PSMA3: variants seen among roughly 807,000 people sequenced by gnomAD.
The protein encoded by PSMA3 is proteasome subunit alpha type-3.
In PSMA3, 8 loss-of-function variants were observed where a neutral mutation model predicts 40.0. The ratio of observed to expected loss-of-function variants is 0.20; its 90% confidence interval spans 0.12 to 0.36. The LOEUF is 0.36. PSMA3 is among the 10% of genes least tolerant of loss of function. The pLI, the probability that PSMA3 is intolerant of heterozygous loss-of-function variation, is 1.00. For missense variants in PSMA3, 219 were observed against 310.6 expected, an observed-to-expected ratio of 0.70 and a Z score of 2.22; for synonymous variants, 110 against 100.0, an observed-to-expected ratio of 1.10 and a Z score of -0.59.
At chr14:58,262,866 G>A (rs569255242) in intron 6 of PSMA3, among the ~76,000 whole-genome samples, 6 of 151,802 alleles carry the variant, frequency 4.0e-5, no homozygotes, top group Non-Finnish European at 5.9e-5. Context: ...CACTGCACCC[G>A]GCCTGTTACC....
intron 1 of PSMA3, chr14:58,245,627 G>A (rs1889864179): frequency 6.6e-6 from 1 of 152,264 alleles, no homozygotes; most frequent in African/African-American, 2.4e-5. Flanking sequence ...GGATTTTGCA[G>A]TGGGACTTGT....
At chr14:58,258,238 G>A in intron 5 of PSMA3, 1 of 423,556 alleles carries the variant, frequency 2.4e-6, no homozygotes, top group Non-Finnish European at 4.3e-6. Context: ...AGGAGTATGA[G>A]ACCAGCCTGG....
chr14:58,267,807 CA>C (rs1890491878), intron 8 of PSMA3: 1 of 255,420 alleles, frequency 3.9e-6, no homozygotes, highest in Non-Finnish European at 6.5e-6. Flanking sequence ...CCCAACTTCT[CA>C]AATCTCTTAA....
intron 1 of PSMA3, among the ~76,000 whole-genome samples, chr14:58,246,027 T>C (rs1888388246): frequency 6.6e-6 from 1 of 152,220 alleles, no homozygotes; most frequent in South Asian, 2.1e-4. Flanking sequence ...ACAAACCTTT[T>C]AAAGAATACT....
At chr14:58,256,390 A>C (rs1468497702) in intron 3 of PSMA3, among the ~76,000 whole-genome samples, 2 of 151,198 alleles carry the variant, frequency 1.3e-5, no homozygotes, top group Non-Finnish European at 2.9e-5. Flanking sequence ...AAAATTCAAA[A>C]TCCAAAAAGC....
chr14:58,245,327 T>G (rs1301372169), intron 1 of PSMA3: 1 of 235,090 alleles, frequency 4.3e-6, no homozygotes, highest in Non-Finnish European at 8.7e-6. Flanking sequence ...GGTCTGGAGA[T>G]CGTGCTTTTT....
intron 6 of PSMA3, 200 bp from the exon 7 acceptor site, chr14:58,263,505 C>T (rs1227361759): frequency 1.9e-5 from 8 of 417,116 alleles, no homozygotes; most frequent in Non-Finnish European, 2.6e-5. Context: ...ATTAAAAATA[C>T]AGGTTGTTTT....
intron 7 of PSMA3, chr14:58,265,929 A>G (rs1342060660): frequency 6.6e-6 from 1 of 152,190 alleles, no homozygotes; most frequent in Non-Finnish European, 1.5e-5. Flanking sequence ...AACTATTTGG[A>G]AAAAGCTGCA....
At chr14:58,257,684 T>C in intron 3 of PSMA3, 61 bp from the exon 4 acceptor site, 1 of 1,400,954 alleles carries the variant, frequency 7.1e-7, no homozygotes, top group Non-Finnish European at 1.0e-6. Flanking sequence ...TCTTTATTAA[T>C]TGCAGACTTT....
intron 8 of PSMA3, 69 bp from the exon 9 acceptor site, chr14:58,270,349 C>T: frequency 6.3e-7 from 1 of 1,593,088 alleles, no homozygotes; most frequent in South Asian, 1.1e-5. Context: ...TTTGTACTGA[C>T]TTTGGGTCTG....
Position 58,271,851 on chromosome 14 carries a change from G to A in PSMA3, c.724G>A (p.Glu242Lys). 1 of 1,596,812 alleles carries A rather than the reference G, an allele frequency of 6.3e-7. No individual in the cohort carries two copies. The highest frequency in any genetic ancestry group is 8.6e-7 in the Non-Finnish European group (1 of 1,165,094). The change falls in exon 11 of 11, where the codon GAA becomes AAA. Residue 242 changes from glutamate to lysine, a missense_variant and splice_region_variant. By Grantham distance (56) the Glu-to-Lys change is moderately conservative. Transcript: ENST00000216455. The stretch of plus-strand genomic sequence containing the variant: ...TTAAACACCTGTTTTCTCTTAACAG[G>A]AATCTCTGAAGGAAGAAGATGAATC... ...IREEAEKYAK[E>K]SLKEEDESDD...
intron 9 of PSMA3, 106 bp from the exon 10 acceptor site, chr14:58,270,828 C>T: frequency 1.0e-6 from 1 of 988,226 alleles, no homozygotes. Context: ...AACTTTGCAA[C>T]CTTAGGTGAG....
chr14:58,270,966 G>C lies in PSMA3; in HGVS notation c.691G>C (p.Asp231His), dbSNP rs749734807. The change falls in exon 10 of 11, where the codon GAT becomes CAT. Residue 231 changes from aspartate to histidine, a missense_variant. Asp to His is a moderately conservative substitution (Grantham distance 81). Transcript: ENST00000216455. ...TGGAAGACATGAAATTGTTCCAAAA[G>C]ATATAAGAGAAGAAGCAGAGAAATA... ...TNGRHEIVPK[D>H]IREEAEKYAK... is the part of the protein sequence containing the mutation. 6 of 1,608,662 alleles carry C rather than the reference G, an allele frequency of 3.7e-6. No individual in the cohort carries two copies. The highest frequency in any genetic ancestry group is 5.1e-6 in the Non-Finnish European group (6 of 1,176,942).
At chr14:58,249,839 C>T (rs866586108) in intron 2 of PSMA3, among the ~76,000 whole-genome samples, 20 of 152,166 alleles carry the variant, frequency 1.3e-4, no homozygotes, top group Admixed American at 6.6e-5. Flanking sequence ...ATAATTTTGA[C>T]CTCGAAGACT....
At chr14:58,268,128 CAATT>C (rs1890500545) in intron 8 of PSMA3, 1 of 152,084 alleles carries the variant, frequency 6.6e-6, no homozygotes, top group African/African-American at 2.4e-5. Flanking sequence ...ATAAAAAAGT[CAATT>C]AACCTGGGTA....
rs1247465070 is a variant in PSMA3 at position 58,244,871 on chromosome 14, G to A, written c.-50G>A. The A allele has an allele frequency of 6.2e-7, 1 of 1,613,992 alleles. No homozygotes were observed. Among genetic ancestry groups the A allele is most frequent in the African/African-American group, 1.3e-5 (1 of 74,938 alleles). On this transcript the variant is annotated 5_prime_UTR_variant, in exon 1 of 11. Transcript: ENST00000216455. ...AGTTTGCGGCATCCTGTGGTATAGG[G>A]GAAGCGCTCCGGGCCTGGAATCCCT...
intron 8 of PSMA3, among the ~76,000 whole-genome samples, chr14:58,268,373 G>A (rs1192644110): frequency 1.3e-5 from 2 of 152,086 alleles, no homozygotes; most frequent in African/African-American, 2.4e-5. Context: ...ACAATACGTG[G>A]AAGAAAAAAA....
intron 2 of PSMA3, among the ~76,000 whole-genome samples, chr14:58,250,394 T>C (rs146077958): frequency 6.6e-6 from 1 of 152,128 alleles, no homozygotes; most frequent in East Asian, 1.9e-4. Context: ...TTCATTTAAA[T>C]AGGCAGTAGT....
intron 1 of PSMA3, 113 bp downstream of exon 1, chr14:58,245,054 C>T (rs922030349): frequency 7.3e-7 from 1 of 1,378,904 alleles, no homozygotes; most frequent in Non-Finnish European, 1.0e-6. Context: ...CCGCCTTCGG[C>T]TGGGTGGGCC....
Sources: gnomAD v4.1 joint callset for allele counts (sites outside exome capture counted in the v4.1 genomes callset) on GRCh38, gnomAD v4.1.1 for gene constraint, MANE v1.5 for transcripts, NCBI Gene and HGNC (gene_info 2026-07-23, HGNC 2026-07-21) for gene names.